ZBTB40: variants seen among roughly 807,000 people sequenced by gnomAD.
ZBTB40 encodes zinc finger and BTB domain containing 40.
Under a neutral mutation model 117.5 loss-of-function variants are expected in ZBTB40, and 60 were observed. The ratio of observed to expected loss-of-function variants is 0.51; its 90% CI spans 0.41 to 0.63. ZBTB40 has a LOEUF of 0.63. ZBTB40 is among the 30% of genes least tolerant of loss of function. ZBTB40 has a pLI of 0.00. For synonymous variants in ZBTB40, 525 were observed against 577.1 expected, an observed-to-expected ratio of 0.91 and a Z score of 1.29; for missense variants, 1,287 against 1,498.5, an observed-to-expected ratio of 0.86 and a Z score of 2.33.
At chr1:22,496,869 A>G (rs1638789884) in intron 3 of ZBTB40, among the ~76,000 whole-genome samples, 1 of 152,214 alleles carries the variant, frequency 6.6e-6, no homozygotes, top group African/African-American at 2.4e-5. Context: ...GTCCCACGAT[A>G]GGCCGTCTGT....
chr1:22,451,279 C>T (rs1640862936), upstream of ZBTB40, among the ~76,000 whole-genome samples: 1 of 152,156 alleles, frequency 6.6e-6, no homozygotes, highest in Admixed American at 6.5e-5. Flanking sequence ...TTTGGAAAAA[C>T]GAAGCCTTTT....
chr1:22,524,158 T>C, intron 16 of ZBTB40, 60 bp from the exon 17 acceptor site: 1 of 1,524,028 alleles, frequency 6.6e-7, no homozygotes, highest in South Asian at 1.1e-5. Context: ...CCCTCATTTC[T>C]CTCATTTTAC....
chr1:22,436,626 T>C (rs1433569348), intron 1 of ZBTB40, among the ~76,000 whole-genome samples: 1 of 152,186 alleles, frequency 6.6e-6, no homozygotes, highest in African/African-American at 2.4e-5. Context: ...ATACACAAAT[T>C]GTGGTATATC....
chr1:22,526,140 T>C (rs985571067), intron 17 of ZBTB40, 62 bp from the exon 18 acceptor site: 12 of 1,577,428 alleles, frequency 7.6e-6, no homozygotes, highest in Non-Finnish European at 1.0e-5. Flanking sequence ...ATGAAAACCA[T>C]GTAAATCAGG....
At chr1:22,435,296 C>T (rs1458834802) in intron 1 of ZBTB40, among the ~76,000 whole-genome samples, 1 of 152,192 alleles carries the variant, frequency 6.6e-6, no homozygotes, top group African/African-American at 2.4e-5. Flanking sequence ...CCATTGTGCC[C>T]AGCTTATCCT....
chr1:22,513,897 G>A lies in ZBTB40; in HGVS notation c.2668+767G>A. On this transcript the variant is annotated intron_variant, in intron 12 of 17. Transcript: ENST00000375647. This position sits in a 1 kb window ranked among gnomAD's most constrained non-coding sequence, Gnocchi z 4.9. ...GGTTTTTGCCATTAAAAGTTATAGA[G>A]AATTTACATAAAATTATTTGAGCTT... 6.6e-6 allele frequency among the ~76,000 whole-genome samples: 1 copy of A among 152,234 alleles called. No individual in the cohort carries two copies. The highest frequency in any genetic ancestry group is 1.9e-4 in the East Asian group (1 of 5,176).
intron 1 of ZBTB40, among the ~76,000 whole-genome samples, chr1:22,441,873 A>G (rs1169605722): frequency 6.6e-6 from 1 of 151,900 alleles, no homozygotes; most frequent in Non-Finnish European, 1.5e-5. Context: ...TTGATTTTAG[A>G]TCTTTCTTGT....
intron 1 of ZBTB40, among the ~76,000 whole-genome samples, chr1:22,469,910 A>G (rs1456017103): frequency 6.6e-6 from 1 of 152,170 alleles, no homozygotes; most frequent in Non-Finnish European, 1.5e-5. Context: ...GGGCAGTTTT[A>G]TGACTTAAAG....
intron 1 of ZBTB40, among the ~76,000 whole-genome samples, chr1:22,457,743 C>G (rs1008960354): frequency 1.3e-5 from 2 of 152,190 alleles, no homozygotes; most frequent in Admixed American, 6.5e-5. Context: ...AGCATAAAAA[C>G]AAAGGTGAAC....
intron 12 of ZBTB40, among the ~76,000 whole-genome samples, 196 bp from the exon 13 acceptor site, chr1:22,517,104 G>A (rs554700438): frequency 7.9e-5 from 12 of 152,264 alleles, no homozygotes; most frequent in African/African-American, 2.4e-4. Context: ...CGCACCTTCC[G>A]TGTGATCGGC....
chr1:22,520,513 G>C (rs1464691045), intron 14 of ZBTB40, among the ~76,000 whole-genome samples: 1 of 152,202 alleles, frequency 6.6e-6, no homozygotes, highest in Admixed American at 6.5e-5. Flanking sequence ...TCTTCTCTTA[G>C]ACAGCAGACT....
chr1:22,439,474 T>C (rs1640707784), intron 1 of ZBTB40, among the ~76,000 whole-genome samples: 1 of 152,250 alleles, frequency 6.6e-6, no homozygotes, highest in African/African-American at 2.4e-5. Context: ...ATAGTTTAGG[T>C]CTTACATTTA....
rs1385536455 is a variant in ZBTB40, at chr1:22,471,299, G to A, written c.-69-18581G>A. On this transcript the variant is annotated intron_variant, in intron 1 of 17. Transcript: ENST00000375647. ...AGGAGCCTCAAATGCAGGCACTCCT[G>A]CCAGGCCACCCAGCAGTCCATCTCT... 5.3e-5 allele frequency among the ~76,000 whole-genome samples: 8 copies of A among 152,204 alleles called. No individual in the cohort carries two copies. In the East Asian group the frequency reaches 1.5e-3, roughly 29 times the overall value.
rs539666775 is a variant in ZBTB40, at chr1:22,439,737, G to A, written c.-70+10723G>A. Among the ~76,000 whole-genome samples, 8 of 152,242 alleles carry A rather than the reference G, an allele frequency of 5.3e-5. No individual in the cohort carries two copies. The South Asian group carries it at 1.7e-3, about 32-fold the overall frequency. On this transcript the variant is annotated intron_variant, in intron 1 of 8. Transcript: ENST00000650433. The stretch of plus-strand genomic sequence containing the variant: ...GTACCACACTGTTTTGATTACTGTA[G>A]CTCTGTAGTAAGTTTTGAAATGAGG...
At chr1:22,470,749 C>T (rs975633468) in intron 1 of ZBTB40, among the ~76,000 whole-genome samples, 7 of 152,176 alleles carry the variant, frequency 4.6e-5, no homozygotes, top group Non-Finnish European at 2.9e-5. Context: ...CCGTAATAGA[C>T]GAGACATCAC....
intron 1 of ZBTB40, among the ~76,000 whole-genome samples, chr1:22,429,094 AT>A: frequency 6.6e-6 from 1 of 152,184 alleles, no homozygotes; most frequent in East Asian, 1.9e-4. Context: ...TCTTTAAGAA[AT>A]TCTTGGGCCG....
intron 1 of ZBTB40, among the ~76,000 whole-genome samples, chr1:22,456,276 C>T (rs1036702747): frequency 1.1e-4 from 17 of 152,212 alleles, no homozygotes; most frequent in African/African-American, 3.6e-4. Flanking sequence ...TGGCAGCCCT[C>T]GAGAGAGAAG....
chr1:22,504,933 C>A (rs556905094), intron 5 of ZBTB40, among the ~76,000 whole-genome samples: 1 of 152,286 alleles, frequency 6.6e-6, no homozygotes, highest in African/African-American at 2.4e-5. Flanking sequence ...TAGATACAAG[C>A]TCTTAATTTT....
intron 1 of ZBTB40, among the ~76,000 whole-genome samples, chr1:22,430,183 A>C (rs1232410674): frequency 1.3e-5 from 2 of 152,190 alleles, no homozygotes; most frequent in African/African-American, 4.8e-5. Flanking sequence ...TCATCTGTAC[A>C]TTCCTAAAAT....
Sources: allele counts gnomAD v4.1 joint callset (sites outside exome capture counted in the v4.1 genomes callset), GRCh38; gene constraint gnomAD v4.1.1; non-coding constraint Gnocchi (gnomAD v3.1); transcripts MANE v1.5; gene names NCBI Gene and HGNC (gene_info 2026-07-23, HGNC 2026-07-21).